SPAG16: variants seen among roughly 807,000 people sequenced by gnomAD.
SPAG16 encodes sperm associated antigen 16.
A neutral mutation model predicts 80.4 loss-of-function variants in SPAG16; 86 were observed. The ratio of observed to expected loss-of-function variants is 1.07; its 90% CI spans 0.90 to 1.28. The LOEUF is 1.28. Among genes scored for constraint, SPAG16 ranks in the 50% most tolerant of loss-of-function variants. The pLI is 0.00. For missense variants in SPAG16, 870 were observed against 765.3 expected (o/e 1.14, Z -1.61); for synonymous variants, 294 against 265.9 (o/e 1.11, Z -1.03).
intron 10 of SPAG16, among the ~76,000 whole-genome samples, chr2:213,540,847 A>G (rs1223462937): frequency 1.3e-5 from 2 of 152,230 alleles, no homozygotes; most frequent in Non-Finnish European, 2.9e-5. Flanking sequence ...GCCAGACAGA[A>G]CAGGAACATT....
intron 9 of SPAG16, among the ~76,000 whole-genome samples, chr2:213,442,942 A>G (rs1342906003): frequency 1.3e-5 from 2 of 152,168 alleles, no homozygotes; most frequent in African/African-American, 2.4e-5. Context: ...TGCCAAAGAC[A>G]TTGTCAAAAG....
At chr2:213,993,041 A>G (rs943492468) in intron 12 of SPAG16, among the ~76,000 whole-genome samples, 3 of 152,192 alleles carry the variant, frequency 2.0e-5, no homozygotes, top group Non-Finnish European at 4.4e-5. Context: ...GACAGGCACA[A>G]ACACAAGTGG....
rs561877959 is a variant in SPAG16, at chr2:214,235,646, C to A, written c.1720+86380C>A. Among the ~76,000 whole-genome samples the A allele has an allele frequency of 4.6e-5, 7 of 152,136 alleles. 1 individual carries two copies. The South Asian group carries it at 1.0e-3, about 23-fold the overall frequency. ...ATTGAAGAACTTACCACTGGTGGGA[C>A]AGAAGAATTGTCTGTGGTCGCCAAG... On this transcript the variant is annotated intron_variant, in intron 15 of 15. Coordinates refer to ENST00000331683, the MANE Select transcript of SPAG16 (RefSeq NM_024532.5).
intron 15 of SPAG16, among the ~76,000 whole-genome samples, chr2:214,322,522 G>A (rs1396106659): frequency 4.9e-5 from 6 of 122,978 alleles, no homozygotes; most frequent in Non-Finnish European, 5.6e-5. Context: ...AAAAAAAAAA[G>A]GCATCAGAAA....
intron 10 of SPAG16, among the ~76,000 whole-genome samples, chr2:213,673,389 T>A (rs907252129): frequency 1.3e-5 from 2 of 152,210 alleles, no homozygotes; most frequent in Non-Finnish European, 2.9e-5. Flanking sequence ...TGTACAGTAT[T>A]AATTTTTAGG....
intron 12 of SPAG16, among the ~76,000 whole-genome samples, chr2:213,947,952 T>A (rs1249265927): frequency 6.6e-6 from 1 of 152,170 alleles, no homozygotes. Context: ...AGTCTTATTT[T>A]TCCTCTTATC....
chr2:213,868,568 C>T (rs2105974226), intron 11 of SPAG16, among the ~76,000 whole-genome samples: 1 of 152,264 alleles, frequency 6.6e-6, no homozygotes, highest in African/African-American at 2.4e-5. Context: ...ATAATAGTAA[C>T]ATAATTTTGA....
At chr2:214,286,518 G>C (rs943778966) in intron 15 of SPAG16, among the ~76,000 whole-genome samples, 1 of 152,272 alleles carries the variant, frequency 6.6e-6, no homozygotes, top group East Asian at 1.9e-4. Context: ...AGGCTAAGGT[G>C]GGCATATCAC....
Position 213,800,017 on chromosome 2 carries a change from T to A in SPAG16, c.1071-62468T>A, listed in dbSNP as rs150407018. ...AGCTCTCACACTGTCTGTTTTACTG[T>A]CTTTTAAAAGTTCTTTAGTTCACCT... On this transcript the variant is annotated intron_variant, in intron 10 of 15. Coordinates refer to ENST00000331683, the MANE Select transcript of SPAG16 (RefSeq NM_024532.5). Among the ~76,000 whole-genome samples the A allele has an allele frequency of 9.9e-4, 151 of 152,006 alleles. 1 individual carries two copies. Among genetic ancestry groups the A allele is most frequent in the African/African-American group, 3.5e-3 (144 of 41,496 alleles).
chr2:214,212,381 T>C (rs2058317624), intron 15 of SPAG16, among the ~76,000 whole-genome samples: 1 of 152,054 alleles, frequency 6.6e-6, no homozygotes, highest in South Asian at 2.1e-4. Context: ...TGATATTAAT[T>C]CCTCCTTCTC....
chr2:213,880,742 C>G (rs1313803640), intron 11 of SPAG16, among the ~76,000 whole-genome samples: 5 of 152,160 alleles, frequency 3.3e-5, no homozygotes, highest in Admixed American at 3.3e-4. Context: ...AGTCCTTTCC[C>G]CATCGCATAT....
At chr2:213,897,195 A>G (rs1452791513) in intron 11 of SPAG16, among the ~76,000 whole-genome samples, 1 of 152,178 alleles carries the variant, frequency 6.6e-6, no homozygotes, top group Admixed American at 6.6e-5. Flanking sequence ...AACTATGTAC[A>G]TATGTTATGC....
intron 9 of SPAG16, among the ~76,000 whole-genome samples, chr2:213,431,795 T>C (rs962412512): frequency 2.0e-5 from 3 of 152,036 alleles, no homozygotes; most frequent in Admixed American, 1.3e-4. Flanking sequence ...CCTCAAAATA[T>C]ACATTTTTCT....
At chr2:214,250,386 T>C (rs922410461) in intron 15 of SPAG16, among the ~76,000 whole-genome samples, 1 of 151,588 alleles carries the variant, frequency 6.6e-6, no homozygotes, top group East Asian at 1.9e-4. Flanking sequence ...AATTTTATGT[T>C]AAATATATTT....
At chr2:213,908,886 T>A (rs1034022575) in intron 11 of SPAG16, among the ~76,000 whole-genome samples, 1 of 152,012 alleles carries the variant, frequency 6.6e-6, no homozygotes, top group African/African-American at 2.4e-5. Flanking sequence ...ACTCATCATT[T>A]AGCATTAGGT....
intron 10 of SPAG16, among the ~76,000 whole-genome samples, chr2:213,831,300 A>G (rs2073641642): frequency 6.6e-6 from 1 of 151,904 alleles, no homozygotes; most frequent in Non-Finnish European, 1.5e-5. Context: ...GGCCTCCCAA[A>G]GTGCTGGGAT....
At chr2:213,625,188 T>C (rs1468945955) in intron 10 of SPAG16, among the ~76,000 whole-genome samples, 1 of 152,142 alleles carries the variant, frequency 6.6e-6, no homozygotes, top group Non-Finnish European at 1.5e-5. Flanking sequence ...ATACCTGAGA[T>C]TGGGTAATTG....
intron 10 of SPAG16, among the ~76,000 whole-genome samples, chr2:213,634,476 A>G (rs975737292): frequency 3.3e-5 from 5 of 152,176 alleles, no homozygotes; most frequent in African/African-American, 4.8e-5. Flanking sequence ...ACAGTGTTAT[A>G]ATACTGTGTG....
intron 11 of SPAG16, among the ~76,000 whole-genome samples, chr2:213,889,065 G>T (rs1374162852): frequency 1.3e-5 from 2 of 151,734 alleles, no homozygotes; most frequent in Non-Finnish European, 2.9e-5. Context: ...AGGCCATATT[G>T]TAAATGTCTT....
Sources: gnomAD v4.1 joint callset for allele counts (sites outside exome capture counted in the v4.1 genomes callset) on GRCh38, gnomAD v4.1.1 for gene constraint, MANE v1.5 for transcripts, NCBI Gene and HGNC (gene_info 2026-07-23, HGNC 2026-07-21) for gene names.